Variants in GRK3 observed in about 807,000 individuals in gnomAD.
GRK3 encodes the protein adrenergic, beta, receptor kinase 2.
In GRK3, 54 loss-of-function variants were observed where a neutral mutation model predicts 95.7. The ratio of observed to expected loss-of-function variants is 0.56; its 90% CI spans 0.45 to 0.71. The LOEUF (loss-of-function observed/expected upper bound fraction) is 0.71. GRK3 is among the 30% of genes least tolerant of loss of function. The pLI, the probability that GRK3 is intolerant of heterozygous loss-of-function variation, is 0.00. For synonymous variants in GRK3, 281 were observed against 290.8 expected (o/e 0.97, Z 0.34); for missense variants, 649 against 851.2 (o/e 0.76, Z 2.96).
At chr22:25,667,848 G>A (rs751571994) in intron 6 of GRK3, 48 bp downstream of exon 6, 2 of 1,091,464 alleles carry the variant, frequency 1.8e-6, no homozygotes, top group South Asian at 1.3e-5. Context: ...TCATGTACGT[G>A]TACCTCATCT....
intron 1 of GRK3, among the ~76,000 whole-genome samples, chr22:25,584,555 A>G (rs1569153235): frequency 6.6e-6 from 1 of 152,300 alleles, no homozygotes; most frequent in Non-Finnish European, 1.5e-5. Flanking sequence ...TCAATGTAAG[A>G]GAACAGAATA....
In GRK3 at chr22:25,644,836, G is replaced by A. The variant is rs111422972; in HGVS notation, c.264+171G>A. Among the ~76,000 whole-genome samples the A allele has an allele frequency of 0.02, 3,022 of 152,288 alleles. 47 individuals carry two copies. The highest frequency in any genetic ancestry group is 0.028 in the Non-Finnish European group (1,896 of 68,022). On this transcript the variant is annotated intron_variant, in intron 3 of 20. Transcript: ENST00000324198. ...GAGATGCTAACAGGTATGAAAAGCTGAGTATGCCATAAAAGTCGCATTCTT... is the reference window on the plus strand; with the variant it reads ...GAGATGCTAACAGGTATGAAAAGCTAAGTATGCCATAAAAGTCGCATTCTT...
At chr22:25,629,627 C>T (rs2084650977) in intron 2 of GRK3, among the ~76,000 whole-genome samples, 1 of 152,186 alleles carries the variant, frequency 6.6e-6, no homozygotes, top group Non-Finnish European at 1.5e-5. Flanking sequence ...CAGGTCTGGG[C>T]AGGTCAGGTC....
chr22:25,695,163 G>A lies in GRK3; in HGVS notation c.1109G>A (p.Ser370Asn). ...EVLQKGTAYD[S>N]SADWFSLGCM... ...CTGCAGAAGGGGACGGCCTATGACAGCAGTGCCGACTGGTTCTCCCTGGGC... is the reference window on the plus strand; with the variant it reads ...CTGCAGAAGGGGACGGCCTATGACAACAGTGCCGACTGGTTCTCCCTGGGC... Residue 370 changes from serine to asparagine, a missense_variant, in exon 13 of 21, where the codon AGC becomes AAC. By Grantham distance (46) the Ser-to-Asn change is conservative. Transcript: ENST00000324198. The A allele has an allele frequency of 1.2e-6, 2 of 1,614,114 alleles. No individual in the cohort carries two copies. The highest frequency in any genetic ancestry group is 2.2e-5 in the East Asian group (1 of 44,876).
At chr22:25,681,883 A>T (rs186639871) in intron 9 of GRK3, among the ~76,000 whole-genome samples, 2,006 of 152,300 alleles carry the variant, frequency 0.013, 25 homozygotes, top group Admixed American at 0.019. Flanking sequence ...AGGCCGTCTT[A>T]TCCATAATTA....
chr22:25,630,064 T>G (rs554268328), intron 2 of GRK3, among the ~76,000 whole-genome samples: 1 of 152,374 alleles, frequency 6.6e-6, no homozygotes, highest in South Asian at 2.1e-4. Context: ...AATAAACTTT[T>G]ATTGATTTAA....
intron 1 of GRK3, among the ~76,000 whole-genome samples, chr22:25,567,625 C>T (rs1442399124): frequency 6.6e-6 from 1 of 152,208 alleles, no homozygotes; most frequent in Non-Finnish European, 1.5e-5. Context: ...GCCATGTGAT[C>T]ACCAGTTTTT....
chr22:25,571,200 TC>T (rs1194194443), intron 1 of GRK3, among the ~76,000 whole-genome samples: 1 of 152,162 alleles, frequency 6.6e-6, no homozygotes, highest in Admixed American at 6.5e-5. Context: ...CCCCTCGTTT[TC>T]CTGTGCCATC....
At chr22:25,683,229 A>C (rs528878218) in intron 9 of GRK3, among the ~76,000 whole-genome samples, 2 of 152,268 alleles carry the variant, frequency 1.3e-5, no homozygotes, top group African/African-American at 2.4e-5. Flanking sequence ...CATGATCTAT[A>C]TGGCATTCTA....
At chr22:25,666,794 A>T (rs1270252723) in intron 5 of GRK3, among the ~76,000 whole-genome samples, 2 of 151,962 alleles carry the variant, frequency 1.3e-5, no homozygotes, top group South Asian at 2.1e-4. Context: ...ATGAAGACAT[A>T]AAAAAAAGGT....
chr22:25,711,422 A>G (rs1261130290), intron 17 of GRK3, among the ~76,000 whole-genome samples: 3 of 152,182 alleles, frequency 2.0e-5, no homozygotes, highest in African/African-American at 7.2e-5. Flanking sequence ...TTGAAATAAA[A>G]CTTGAATTAT....
chr22:25,710,516 A>G (rs1292585238), intron 16 of GRK3, among the ~76,000 whole-genome samples: 1 of 152,204 alleles, frequency 6.6e-6, no homozygotes, highest in Non-Finnish European at 1.5e-5. Context: ...CCCAAATTCA[A>G]TTTTTAGAAA....
rs1489370481 is a variant in GRK3, at chr22:25,725,966, G to C, written c.*3516G>C. The C allele has an allele frequency of 5.5e-6, 1 of 180,430 alleles. No homozygotes were observed. Among genetic ancestry groups the C allele is most frequent in the African/African-American group, 2.4e-5 (1 of 42,542 alleles). The allele number at this position is 180,430 out of a possible 1,614,324, so 11.2% of individuals were successfully genotyped here. ...TCTGTCTCAAAAAAAAAAAGGAGGGGGGCTAAATATCCAGTGAGATGCACT... is the reference window on the plus strand; with the variant it reads ...TCTGTCTCAAAAAAAAAAAGGAGGGCGGCTAAATATCCAGTGAGATGCACT... On this transcript the variant is annotated 3_prime_UTR_variant, in exon 21 of 21. Coordinates refer to ENST00000324198, the MANE Select transcript of GRK3 (RefSeq NM_005160.4).
At chr22:25,671,440 TC>T (rs1172434652) in intron 6 of GRK3, among the ~76,000 whole-genome samples, 1 of 152,262 alleles carries the variant, frequency 6.6e-6, no homozygotes, top group African/African-American at 2.4e-5. Context: ...ACAGGATATA[TC>T]TTTTTCCTCA....
At chr22:25,670,696 C>G (rs891800194) in intron 6 of GRK3, among the ~76,000 whole-genome samples, 1 of 151,924 alleles carries the variant, frequency 6.6e-6, no homozygotes, top group African/African-American at 2.4e-5. Flanking sequence ...GAGATCGAAC[C>G]ATCACCAGAA....
intron 1 of GRK3, among the ~76,000 whole-genome samples, chr22:25,592,540 T>C (rs1171524581): frequency 6.6e-6 from 1 of 152,222 alleles, no homozygotes; most frequent in African/African-American, 2.4e-5. Context: ...GTCTAAAGTC[T>C]TTGCTTGAAC....
chr22:25,656,454 T>A (rs887514343), intron 3 of GRK3, among the ~76,000 whole-genome samples: 1 of 152,160 alleles, frequency 6.6e-6, no homozygotes, highest in African/African-American at 2.4e-5. Flanking sequence ...GTAGCTTAGA[T>A]AACAGGGTGT....
chr22:25,615,757 C>G (rs1211240937), intron 2 of GRK3, among the ~76,000 whole-genome samples: 1 of 146,384 alleles, frequency 6.8e-6, no homozygotes, highest in African/African-American at 2.6e-5. Flanking sequence ...GGGTAAATCT[C>G]AAGGAGGGTA....
At chr22:25,711,001 A>T in intron 16 of GRK3, 67 bp from the exon 17 acceptor site, 1 of 907,278 alleles carries the variant, frequency 1.1e-6, no homozygotes, top group South Asian at 1.6e-5. Flanking sequence ...GTCTTTGTAG[A>T]ATGTTAGGTT....
Sources: gnomAD v4.1 joint callset for allele counts (sites outside exome capture counted in the v4.1 genomes callset) on GRCh38, gnomAD v4.1.1 for gene constraint, MANE v1.5 for transcripts, NCBI Gene and HGNC (gene_info 2026-07-23, HGNC 2026-07-21) for gene names.